Variants in MTMR12 observed in about 807,000 individuals in gnomAD.
The protein encoded by MTMR12 is myotubularin-related protein 12.
MTMR12 carries 33 observed loss-of-function variants against 96.7 expected under a neutral mutation model. That is an observed-to-expected ratio of 0.34 (90% CI 0.26 to 0.46). The LOEUF is 0.46. Among genes scored for constraint, MTMR12 ranks in the 20% least tolerant of loss-of-function variants. The pLI, the probability that MTMR12 is intolerant of heterozygous loss-of-function variation, is 1.00. For missense variants in MTMR12, 721 were observed against 896.1 expected, an observed-to-expected ratio of 0.80 and a Z score of 2.49; for synonymous variants, 298 against 327.2, an observed-to-expected ratio of 0.91 and a Z score of 0.96.
chr5:32,274,185 A>G, intron 2 of MTMR12, 63 bp from the exon 3 acceptor site: 1 of 1,563,562 alleles, frequency 6.4e-7, no homozygotes, highest in Non-Finnish European at 8.7e-7. Flanking sequence ...TGCAAACACT[A>G]AAGGCTTTCC....
chr5:32,270,461 C>CT (rs1260054766), intron 5 of MTMR12, among the ~76,000 whole-genome samples: 2 of 152,194 alleles, frequency 1.3e-5, no homozygotes. Context: ...ACACTACTGT[C>CT]TTTTGGAAAG....
chr5:32,249,673 G>A (rs1225559698), intron 8 of MTMR12, among the ~76,000 whole-genome samples: 1 of 152,236 alleles, frequency 6.6e-6, no homozygotes, highest in African/African-American at 2.4e-5. Context: ...GACCAACAGT[G>A]GCAGGTGAGG....
intron 3 of MTMR12, among the ~76,000 whole-genome samples, chr5:32,273,230 C>A (rs995861025): frequency 6.6e-6 from 1 of 152,070 alleles, no homozygotes; most frequent in African/African-American, 2.4e-5. Flanking sequence ...CAAAACCCTG[C>A]CTCTACCAAA....
rs763271259 is a variant in MTMR12 at position 32,233,163 on chromosome 5, G to A, written c.1674+610C>T. 1.3e-5 allele frequency: 3 copies of A among 225,524 alleles called. No homozygotes were observed. Among genetic ancestry groups the A allele is most frequent in the African/African-American group, 2.4e-5 (1 of 42,548 alleles). The allele number at this position is 225,524 out of a possible 1,614,324, so 14.0% of individuals were successfully genotyped here. A position where few individuals can be genotyped will look rare whatever the true frequency, so the allele number is the denominator to read the frequency against. ...CAAATCTGGCCTGGCGCCTGTTCTC[G>A]TAAACACTGGAACACAGCTATGCCT... is the stretch of plus-strand genomic sequence containing the variant. On this transcript the variant is annotated intron_variant, in intron 15 of 15. Coordinates refer to ENST00000382142, the MANE Select transcript of MTMR12 (RefSeq NM_001040446.3). The surrounding 1 kb of genome is among the most constrained non-coding windows in gnomAD (Gnocchi z 5.0).
intron 1 of MTMR12, among the ~76,000 whole-genome samples, chr5:32,279,029 T>C (rs940152815): frequency 1.5e-5 from 2 of 137,062 alleles, no homozygotes; most frequent in African/African-American, 2.8e-5. Flanking sequence ...TGAGCCGAGA[T>C]TGTGCCTTTG....
rs139653266 is a variant in MTMR12, at chr5:32,308,761, C to T, written c.81+3997G>A. ...GACTAACTACAGGCACACACCACCA[C>T]GCCCAGGTAATTTTTGTATTTTTAG... On this transcript the variant is annotated intron_variant, in intron 1 of 15. Coordinates refer to ENST00000382142, the MANE Select transcript of MTMR12 (RefSeq NM_001040446.3). Among the ~76,000 whole-genome samples, 284 of 152,178 alleles carry T rather than the reference C, an allele frequency of 1.9e-3. 1 individual carries two copies. The highest frequency in any genetic ancestry group is 6.5e-3 in the African/African-American group (271 of 41,534).
chr5:32,263,945 A>G (rs1749483804), intron 6 of MTMR12, among the ~76,000 whole-genome samples: 1 of 152,236 alleles, frequency 6.6e-6, no homozygotes. Flanking sequence ...TAATTTGAAT[A>G]GTATCTCAGG....
chr5:32,257,509 AC>A (rs1366141239), intron 7 of MTMR12, among the ~76,000 whole-genome samples: 1 of 152,088 alleles, frequency 6.6e-6, no homozygotes, highest in Admixed American at 6.6e-5. Context: ...GGTGGCTCAC[AC>A]CTATAATCCC....
At chr5:32,255,356 A>C (rs1749095822) in intron 8 of MTMR12, among the ~76,000 whole-genome samples, 1 of 152,176 alleles carries the variant, frequency 6.6e-6, no homozygotes, top group African/African-American at 2.4e-5. Flanking sequence ...TGTGGGCCAA[A>C]AAGAAGCTTA....
intron 1 of MTMR12, among the ~76,000 whole-genome samples, chr5:32,278,682 T>C (rs1307494419): frequency 6.6e-6 from 1 of 152,222 alleles, no homozygotes; most frequent in Admixed American, 6.5e-5. Flanking sequence ...GCTGGCTCTC[T>C]GATTTTGTAA....
intron 2 of MTMR12, among the ~76,000 whole-genome samples, chr5:32,275,630 T>C (rs1250669928): frequency 6.6e-6 from 1 of 152,172 alleles, no homozygotes; most frequent in Non-Finnish European, 1.5e-5. Flanking sequence ...CTTTGTCTAG[T>C]TTGTGAAACT....
chr5:32,248,875 A>T lies in MTMR12; in HGVS notation c.793T>A (p.Trp265Arg). ...CTTCCATTGTGGCAGGACCAACACC[A>T]TATCTGTAGAAACAAATAAAGCTTT... is the stretch of plus-strand genomic sequence containing the variant. ...QRFQGHGIPI[W>R]CWSCHNGSAL... Residue 265 changes from tryptophan to arginine, a missense_variant, in exon 9 of 16, where the codon TGG (tryptophan) becomes AGG (arginine). Coordinates refer to ENST00000382142, the MANE Select transcript of MTMR12 (RefSeq NM_001040446.3). 6.2e-7 allele frequency: 1 copy of T among 1,611,994 alleles called. No individual in the cohort carries two copies. The highest frequency in any genetic ancestry group is 8.5e-7 in the Non-Finnish European group (1 of 1,178,056).
chr5:32,282,247 C>A, intron 1 of MTMR12, among the ~76,000 whole-genome samples: 1 of 151,690 alleles, frequency 6.6e-6, no homozygotes, highest in East Asian at 1.9e-4. Flanking sequence ...CTGGTGAAAC[C>A]CCGTCTCTAC....
chr5:32,257,399 T>G (rs1422016332), intron 7 of MTMR12, among the ~76,000 whole-genome samples: 4 of 152,180 alleles, frequency 2.6e-5, no homozygotes, highest in Non-Finnish European at 5.9e-5. Flanking sequence ...AGTTGATAAC[T>G]GTTGAGTCTG....
chr5:32,264,626 A>G (rs1173492658), intron 6 of MTMR12, among the ~76,000 whole-genome samples: 1 of 151,904 alleles, frequency 6.6e-6, no homozygotes, highest in Non-Finnish European at 1.5e-5. Context: ...ACGCCTGGCT[A>G]ATTTTTGTAT....
intron 1 of MTMR12, among the ~76,000 whole-genome samples, chr5:32,294,028 C>T (rs760392721): frequency 3.3e-5 from 5 of 152,168 alleles, no homozygotes; most frequent in Non-Finnish European, 7.3e-5. Context: ...TTCCTGTTGT[C>T]GCTCTGACTT....
intron 1 of MTMR12, among the ~76,000 whole-genome samples, chr5:32,293,329 G>C (rs779628037): frequency 1.5e-4 from 23 of 152,112 alleles, no homozygotes; most frequent in Middle Eastern, 3.2e-3. Context: ...AGTCTAATCA[G>C]CTACCAGTGA....
intron 15 of MTMR12, among the ~76,000 whole-genome samples, chr5:32,231,381 C>CAAA (rs548654471): frequency 4.4e-4 from 21 of 47,212 alleles, no homozygotes; most frequent in African/African-American, 1.3e-3. Context: ...CTCTGGCTCG[C>CAAA]AAAAAAAAAA....
At chr5:32,296,975 C>T (rs1299656489) in intron 1 of MTMR12, among the ~76,000 whole-genome samples, 3 of 150,368 alleles carry the variant, frequency 2.0e-5, no homozygotes, top group Non-Finnish European at 1.5e-5. Context: ...TGATGGCGGG[C>T]GCCTGTAGTC....
Sources: gnomAD v4.1 joint callset for allele counts (sites outside exome capture counted in the v4.1 genomes callset) on GRCh38, gnomAD v4.1.1 for gene constraint, Gnocchi (gnomAD v3.1) non-coding constraint, MANE v1.5 for transcripts, NCBI Gene and HGNC (gene_info 2026-07-23, HGNC 2026-07-21) for gene names.